WWOX: variants seen among roughly 807,000 people sequenced by gnomAD.
WWOX encodes WW domain-containing oxidoreductase.
Under a neutral mutation model 46.2 loss-of-function variants are expected in WWOX, and 69 were observed. The ratio of observed to expected loss-of-function variants is 1.49; its 90% CI spans 1.23 to 1.82. The LOEUF is 1.82. Ranked by LOEUF, WWOX falls within the 40% of genes most tolerant of loss-of-function variation. The probability of loss-of-function intolerance (pLI) is 0.00; values close to 1 mark genes in which losing one functional copy is unlikely to be tolerated. For missense variants in WWOX, 919 were observed against 542.6 expected, an observed-to-expected ratio of 1.69 and a Z score of -6.89; for synonymous variants, 359 against 202.6, an observed-to-expected ratio of 1.77 and a Z score of -6.56.
intron 8 of WWOX, chr16:78,756,999 C>G (rs1390912554): frequency 2.8e-6 from 2 of 702,812 alleles, no homozygotes; most frequent in Non-Finnish European, 5.2e-6. Flanking sequence ...AGAACTGAGC[C>G]TCCTGCCAAC....
chr16:78,702,007 T>TTATATATATATATATATATA lies in WWOX; in HGVS notation c.1056+269274_1056+269293dup, dbSNP rs869227421. Among the ~76,000 whole-genome samples the TTATATATATATATATATATA allele has an allele frequency of 1.2e-3, 71 of 57,606 alleles. 1 individual carries two copies. Among genetic ancestry groups the TTATATATATATATATATATA allele is most frequent in the Non-Finnish European group, 1.5e-3 (47 of 31,874 alleles). The allele number at this position is 57,606 out of a possible 152,430, so 37.8% of individuals were successfully genotyped here. ...GGAGACTAGCCTGGGCTACATAAAA[T>TTATATATATATATATATATA]TATATATATATATATATATATATAT... On this transcript the variant is annotated intron_variant, in intron 8 of 8. Coordinates refer to ENST00000566780, the MANE Select transcript of WWOX (RefSeq NM_016373.4).
intron 5 of WWOX, among the ~76,000 whole-genome samples, chr16:78,315,145 A>G (rs1013896701): frequency 1.3e-5 from 2 of 152,086 alleles, no homozygotes; most frequent in African/African-American, 4.8e-5. Context: ...GAAATAGCAA[A>G]TTTTCTTATG....
chr16:78,351,490 G>T (rs887216454), intron 5 of WWOX, among the ~76,000 whole-genome samples: 26 of 152,132 alleles, frequency 1.7e-4, no homozygotes, highest in Non-Finnish European at 3.4e-4. Context: ...TGGGGCAGAG[G>T]GGTGGTCTGC....
intron 8 of WWOX, among the ~76,000 whole-genome samples, chr16:78,649,806 C>G (rs2046925722): frequency 6.6e-6 from 1 of 152,142 alleles, no homozygotes; most frequent in African/African-American, 2.4e-5. Context: ...ATACTCAAAG[C>G]CTTGATTTTG....
At chr16:79,151,674 G>C (rs571655907) in intron 8 of WWOX, among the ~76,000 whole-genome samples, 1 of 131,276 alleles carries the variant, frequency 7.6e-6, no homozygotes, top group African/African-American at 3.1e-5. Context: ...TAGAGGATAG[G>C]CAAGAAGTAA....
At chr16:78,361,098 C>T (rs1203661767) in intron 5 of WWOX, among the ~76,000 whole-genome samples, 2 of 152,176 alleles carry the variant, frequency 1.3e-5, no homozygotes, top group Non-Finnish European at 2.9e-5. Flanking sequence ...GCTGGGATTA[C>T]AGGCATGAGC....
At chr16:79,097,145 G>A (rs539210353) in intron 8 of WWOX, among the ~76,000 whole-genome samples, 1 of 151,942 alleles carries the variant, frequency 6.6e-6, no homozygotes, top group African/African-American at 2.4e-5. Context: ...AGGAATACAT[G>A]TAGGGTGAAG....
intron 8 of WWOX, among the ~76,000 whole-genome samples, chr16:78,522,847 G>T (rs144348480): frequency 0.028 from 4,289 of 152,250 alleles, 214 homozygotes; most frequent in African/African-American, 0.097. Context: ...CAAGGCAGGT[G>T]GATCACTCGA....
At chr16:78,768,095 G>A (rs1260712543) in intron 8 of WWOX, among the ~76,000 whole-genome samples, 1 of 151,664 alleles carries the variant, frequency 6.6e-6, no homozygotes, top group Non-Finnish European at 1.5e-5. Flanking sequence ...TTCTTATTAT[G>A]TGTTTTACCG....
chr16:78,342,009 C>G (rs4392084), intron 5 of WWOX, among the ~76,000 whole-genome samples: 26,681 of 118,712 alleles, frequency 0.22, 8,471 homozygotes, highest in African/African-American at 0.37. Context: ...CCAGGTACTT[C>G]GGAGGCTGAG....
At chr16:79,197,224 A>G (rs2051258511) in intron 8 of WWOX, among the ~76,000 whole-genome samples, 1 of 152,090 alleles carries the variant, frequency 6.6e-6, no homozygotes, top group Admixed American at 6.6e-5. Flanking sequence ...ACCACATCCC[A>G]ATGGCTTTAT....
At chr16:79,091,779 G>GTTTTTTTTTTTTTTT (rs11329411) in intron 8 of WWOX, among the ~76,000 whole-genome samples, 1 of 109,130 alleles carries the variant, frequency 9.2e-6, no homozygotes, top group Non-Finnish European at 1.8e-5. Flanking sequence ...TCTTTTCTTT[G>GTTTTTTTTTTTTTTT]TTTTTTTTTT....
intron 5 of WWOX, among the ~76,000 whole-genome samples, chr16:78,321,539 T>C (rs1442415177): frequency 6.6e-6 from 1 of 151,774 alleles, no homozygotes; most frequent in Non-Finnish European, 1.5e-5. Flanking sequence ...CCTTGTCTGA[T>C]GTTTGTGGGT....
At chr16:78,414,470 G>T (rs1180109492) in intron 6 of WWOX, among the ~76,000 whole-genome samples, 1 of 152,196 alleles carries the variant, frequency 6.6e-6, no homozygotes, top group African/African-American at 2.4e-5. Context: ...TCAGGAGGTT[G>T]AGGCACGAGG....
In WWOX at chr16:78,430,697, A is replaced by G. The variant is rs77545540; in HGVS notation, c.792-1791A>G. ...TTGGGTACTAGAAAAAAGGCAGCCA[A>G]CAATTCGTTTCAAGGTCTCATTTCT... On this transcript the variant is annotated intron_variant, in intron 7 of 8. Coordinates refer to ENST00000566780, the MANE Select transcript of WWOX (RefSeq NM_016373.4). Among the ~76,000 whole-genome samples, 325 of 152,270 alleles carry G rather than the reference A, an allele frequency of 2.1e-3. 1 individual carries two copies. Among genetic ancestry groups the G allele is most frequent in the Middle Eastern group, 0.01 (3 of 294 alleles).
intron 8 of WWOX, among the ~76,000 whole-genome samples, chr16:78,626,440 T>G (rs922992537): frequency 1.3e-5 from 2 of 152,198 alleles, no homozygotes; most frequent in Admixed American, 6.5e-5. Context: ...TGCTCCTGTG[T>G]TGGGATTTTT....
intron 5 of WWOX, among the ~76,000 whole-genome samples, chr16:78,242,349 A>G (rs1474678169): frequency 6.6e-6 from 1 of 152,134 alleles, no homozygotes; most frequent in Non-Finnish European, 1.5e-5. Context: ...GTCTTTTTTG[A>G]CCCAGTTACT....
chr16:78,826,374 C>G (rs1382736586), intron 8 of WWOX, among the ~76,000 whole-genome samples: 2 of 152,210 alleles, frequency 1.3e-5, no homozygotes, highest in Non-Finnish European at 1.5e-5. Context: ...AATGTATTCT[C>G]TCACAGTTCT....
intron 6 of WWOX, among the ~76,000 whole-genome samples, chr16:78,395,192 G>A (rs1003984395): frequency 6.6e-6 from 1 of 152,308 alleles, no homozygotes; most frequent in East Asian, 1.9e-4. Flanking sequence ...GTTGTGCTCA[G>A]AGAGGAAGTG....
Sources: allele counts gnomAD v4.1 joint callset (sites outside exome capture counted in the v4.1 genomes callset), GRCh38; gene constraint gnomAD v4.1.1; transcripts MANE v1.5; gene names NCBI Gene and HGNC (gene_info 2026-07-23, HGNC 2026-07-21).